The following GREB1 variants were observed in gnomAD, a reference collection of about 807,000 sequenced individuals.
GREB1 encodes growth regulating estrogen receptor binding 1.
Under a neutral mutation model 200.7 loss-of-function variants are expected in GREB1, and 106 were observed. That is an observed-to-expected ratio of 0.53 (90% confidence interval 0.45 to 0.62). The LOEUF is 0.62. Ranked by LOEUF, GREB1 falls within the 20% of genes least tolerant of loss-of-function variation. The pLI is 0.00. For missense variants in GREB1, 2,243 were observed against 2,556.8 expected (o/e 0.88, Z 2.65); for synonymous variants, 1,132 against 1,092.4 (o/e 1.04, Z -0.72).
intron 18 of GREB1, 34 bp from the exon 19 acceptor site, chr2:11,612,461 G>A (rs775886464): frequency 1.2e-5 from 18 of 1,550,608 alleles, no homozygotes; most frequent in Admixed American, 1.7e-5. Context: ...GAAGGGAGGC[G>A]TCTGTGGCTT....
chr2:11,506,704 C>G (rs1241212910), intron 1 of GREB1, among the ~76,000 whole-genome samples: 1 of 152,114 alleles, frequency 6.6e-6, no homozygotes, highest in Non-Finnish European at 1.5e-5. Context: ...GGGATGAGAT[C>G]ATGGAAGCTT....
intron 1 of GREB1, among the ~76,000 whole-genome samples, chr2:11,507,942 T>G (rs971235764): frequency 4.6e-5 from 7 of 152,260 alleles, no homozygotes; most frequent in Non-Finnish European, 1.0e-4. Context: ...TTAACTCATC[T>G]AAACAGAGGC....
chr2:11,495,817 T>A (rs1672869559), intron 1 of GREB1, among the ~76,000 whole-genome samples: 1 of 141,424 alleles, frequency 7.1e-6, no homozygotes, highest in African/African-American at 2.6e-5. Context: ...TTTTTTTGAG[T>A]GAACGGGATT....
chr2:11,588,833 C>G lies in GREB1; in HGVS notation c.1247C>G (p.Ser416Cys), dbSNP rs769722380. Reference protein sequence around the residue: ...LLYTCYQNSQSVSRAYEQYGA... With the variant: ...LLYTCYQNSQCVSRAYEQYGA... ...TACACGTGCTACCAGAATTCCCAGT[C>G]TGTCTCACGGGCATACGAGCAGTAC... The change falls in exon 10 of 33, where the codon TCT (serine) becomes TGT (cysteine). Residue 416 changes from serine (S) to cysteine (C), a missense_variant. Ser to Cys is a moderately radical substitution (Grantham distance 112, BLOSUM62 -1). This residue lies in a region of GREB1 where 1,178 missense variants were observed against 1,387.4 expected (regional missense o/e 0.85). Transcript: ENST00000381486. The G allele has an allele frequency of 6.2e-7, 1 of 1,614,124 alleles. No individual in the cohort carries two copies.
rs1558681889 is a variant in GREB1, at chr2:11,640,315, A to G, written c.5711A>G (p.Gln1904Arg). 6.2e-7 allele frequency: 1 copy of G among 1,613,562 alleles called. No homozygotes were observed. The highest frequency in any genetic ancestry group is 8.5e-7 in the Non-Finnish European group (1 of 1,179,832). ...GGTGCGACGTTGTGTGTCATCTGTC[A>G]GGACCGGAGCTCACTGCGCCAGACG... is the stretch of plus-strand genomic sequence containing the variant. ...LKGATLCVIC[Q>R]DRSSLRQTVV... Residue 1904 changes from glutamine to arginine, a missense_variant, in exon 33 of 33, where the codon CAG becomes CGG. By Grantham distance (43) the Gln-to-Arg change is conservative. This residue lies in a region of GREB1 where 478 missense variants were observed against 616.3 expected (regional missense o/e 0.78). Coordinates refer to ENST00000381486, the MANE Select transcript of GREB1 (RefSeq NM_014668.4). This position sits in a 1 kb window ranked among gnomAD's most constrained non-coding sequence, Gnocchi z 4.6.
At chr2:11,608,398 C>A (rs1572904100) in intron 17 of GREB1, among the ~76,000 whole-genome samples, 1 of 152,108 alleles carries the variant, frequency 6.6e-6, no homozygotes, top group African/African-American at 2.4e-5. Flanking sequence ...TTGGTTCCCC[C>A]CCTTTATTAT....
At chr2:11,543,041 C>T (rs1411672200) in intron 1 of GREB1, among the ~76,000 whole-genome samples, 1 of 152,192 alleles carries the variant, frequency 6.6e-6, no homozygotes, top group Non-Finnish European at 1.5e-5. Context: ...TCCTCGTCTA[C>T]TGTCTCTTTT....
At chr2:11,537,443 C>A (rs1459943614) in intron 1 of GREB1, among the ~76,000 whole-genome samples, 3 of 151,826 alleles carry the variant, frequency 2.0e-5, no homozygotes, top group Admixed American at 2.0e-4. Flanking sequence ...GAAGCAAGTA[C>A]TTTTCTCCCA....
intron 16 of GREB1, among the ~76,000 whole-genome samples, chr2:11,601,952 C>T (rs1451082124): frequency 1.3e-5 from 2 of 152,216 alleles, no homozygotes; most frequent in Non-Finnish European, 2.9e-5. Flanking sequence ...ATATTTTCAA[C>T]AAACTCCCCC....
intron 2 of GREB1, among the ~76,000 whole-genome samples, chr2:11,559,820 G>A (rs73915426): frequency 0.025 from 3,839 of 152,222 alleles, 189 homozygotes; most frequent in African/African-American, 0.086. Context: ...TCAAGAGTGT[G>A]TCTCCCTCCC....
At chr2:11,639,803 G>T (rs1271774917) in intron 32 of GREB1, among the ~76,000 whole-genome samples, 1 of 152,154 alleles carries the variant, frequency 6.6e-6, no homozygotes, top group Non-Finnish European at 1.5e-5. Flanking sequence ...GAGCAGAGAG[G>T]GACAGTGTGG....
Position 11,618,577 on chromosome 2 carries a change from G to A in GREB1, c.3702G>A (p.Ala1234=), listed in dbSNP as rs61741337. Residue 1234 remains alanine (A), a synonymous_variant, in exon 22 of 33, where the codon GCG becomes GCA. Transcript: ENST00000381486. ...CGGGCTCATCCTCCTCATCCGTGGC[G>A]CCCGCTGCCGGCACGTGGGTCCTGC... ...SSSGSSSSSV[A]PAAGTWVLQA... 3,833 of 1,612,900 alleles carry A rather than the reference G, an allele frequency of 2.4e-3. 71 individuals carry two copies. In the African/African-American group the frequency reaches 0.043, roughly 18 times the overall value.
chr2:11,639,083 T>TTTTC (rs1252569044), intron 32 of GREB1, among the ~76,000 whole-genome samples: 20 of 152,294 alleles, frequency 1.3e-4, no homozygotes, highest in South Asian at 4.2e-4. Flanking sequence ...TTTGTGTTTC[T>TTTTC]TTTCTTTCTT....
In GREB1 at chr2:11,610,772, C is replaced by T. The variant is rs1682849398; in HGVS notation, c.2751C>T (p.Leu917=). The T allele has an allele frequency of 1.9e-6, 3 of 1,613,442 alleles. No individual in the cohort carries two copies. Among genetic ancestry groups the T allele is most frequent in the African/African-American group, 1.3e-5 (1 of 74,946 alleles). ...YAAALMAVSG[L]PQMKNYTSVE... ...CCGCCCTGATGGCCGTAAGCGGCCTCCCGCAGATGAAGAACTACACGTCGG... is the reference window on the plus strand; with the variant it reads ...CCGCCCTGATGGCCGTAAGCGGCCTTCCGCAGATGAAGAACTACACGTCGG... The change falls in exon 18 of 33, where the codon CTC becomes CTT. Residue 917 remains leucine, a synonymous_variant. Coordinates refer to ENST00000381486, the MANE Select transcript of GREB1 (RefSeq NM_014668.4).
chr2:11,541,348 G>A (rs1247708234), intron 1 of GREB1, among the ~76,000 whole-genome samples: 1 of 152,122 alleles, frequency 6.6e-6, no homozygotes, highest in Non-Finnish European at 1.5e-5. Flanking sequence ...TTCCTTCTCT[G>A]CCATGGATCC....
chr2:11,635,190 C>A, intron 29 of GREB1, 80 bp from the exon 30 acceptor site: 1 of 1,558,394 alleles, frequency 6.4e-7, no homozygotes, highest in South Asian at 1.1e-5. Flanking sequence ...GATGGGGACC[C>A]ACACTCTAGG....
intron 16 of GREB1, among the ~76,000 whole-genome samples, chr2:11,602,145 T>G (rs183731197): frequency 6.6e-6 from 1 of 152,320 alleles, no homozygotes; most frequent in East Asian, 1.9e-4. Flanking sequence ...ATAAGGCTGA[T>G]TTTCTTCTTG....
At chr2:11,620,273 G>A (rs559373639) in intron 22 of GREB1, among the ~76,000 whole-genome samples, 22 of 152,280 alleles carry the variant, frequency 1.4e-4, no homozygotes, top group South Asian at 4.1e-4. Context: ...GGAAACCCAC[G>A]CCTGTAGTGG....
At chr2:11,576,288 C>A (rs2148034571) in intron 4 of GREB1, 65 bp from the exon 5 acceptor site, 1 of 1,344,344 alleles carries the variant, frequency 7.4e-7, no homozygotes, top group Non-Finnish European at 1.0e-6. Context: ...GCCTAGATGA[C>A]AAGAACGAGA....
Sources: gnomAD v4.1 joint callset for allele counts (sites outside exome capture counted in the v4.1 genomes callset) on GRCh38, gnomAD v4.1.1 for gene constraint, gnomAD v4.1.1 regional missense constraint, Gnocchi (gnomAD v3.1) non-coding constraint, MANE v1.5 for transcripts, NCBI Gene and HGNC (gene_info 2026-07-23, HGNC 2026-07-21) for gene names.